The following TGFBRAP1 variants were observed in gnomAD, a reference collection of about 807,000 sequenced individuals.
TGFBRAP1 encodes the protein transforming growth factor beta receptor associated protein 1.
TGFBRAP1 carries 20 observed loss-of-function variants against 83.2 expected under a neutral mutation model. The ratio of observed to expected loss-of-function variants is 0.24; its 90% CI spans 0.17 to 0.35. TGFBRAP1 has a LOEUF of 0.35. Ranked by LOEUF, TGFBRAP1 falls within the 10% of genes least tolerant of loss-of-function variation. TGFBRAP1 has a pLI of 1.00. For synonymous variants in TGFBRAP1, 415 were observed against 459.8 expected, an observed-to-expected ratio of 0.90 and a Z score of 1.25; for missense variants, 950 against 1,099.4, an observed-to-expected ratio of 0.86 and a Z score of 1.92.
intron 4 of TGFBRAP1, among the ~76,000 whole-genome samples, chr2:105,294,938 G>C (rs541020837): frequency 6.6e-6 from 1 of 152,112 alleles, no homozygotes; most frequent in Non-Finnish European, 1.5e-5. Flanking sequence ...CACATCCACC[G>C]AGAGCAGCTT....
downstream of TGFBRAP1, among the ~76,000 whole-genome samples, chr2:105,263,896 A>G (rs1291600603): frequency 6.6e-6 from 1 of 152,160 alleles, no homozygotes; most frequent in Admixed American, 6.5e-5. Context: ...CATAAAAAAC[A>G]AAACAAAACA....
intron 5 of TGFBRAP1, 65 bp from the exon 6 acceptor site, chr2:105,280,788 C>G: frequency 6.6e-7 from 1 of 1,514,816 alleles, no homozygotes; most frequent in South Asian, 1.3e-5. Flanking sequence ...GCACACAAAA[C>G]AGCACTGGAG....
chr2:105,297,420 C>T (rs1245038366), intron 3 of TGFBRAP1, among the ~76,000 whole-genome samples: 1 of 152,134 alleles, frequency 6.6e-6, no homozygotes, highest in Non-Finnish European at 1.5e-5. Flanking sequence ...CAACAGGCAC[C>T]GCACCACAAC....
At chr2:105,263,604 A>ATGG (rs1022303079), downstream of TGFBRAP1, among the ~76,000 whole-genome samples, 156 of 152,342 alleles carry the variant, frequency 1.0e-3, no homozygotes, top group African/African-American at 3.7e-3. Context: ...GGGGCCAAGC[A>ATGG]TGGTGACTCA....
At chr2:105,308,587 CCA>C (rs1201890411) in intron 1 of TGFBRAP1, among the ~76,000 whole-genome samples, 1 of 152,094 alleles carries the variant, frequency 6.6e-6, no homozygotes, top group African/African-American at 2.4e-5. Context: ...TGCTCAGTCC[CCA>C]CACAGAGTCA....
chr2:105,292,627 C>T (rs116107745), intron 4 of TGFBRAP1, among the ~76,000 whole-genome samples: 12 of 143,508 alleles, frequency 8.4e-5, no homozygotes, highest in Non-Finnish European at 1.2e-4. Context: ...AAGAACGAGG[C>T]GGGTAGAAAG....
In TGFBRAP1 at chr2:105,276,105, G is replaced by A. The variant is rs535135726; in HGVS notation, c.1522-402C>T. 5.9e-5 allele frequency among the ~76,000 whole-genome samples: 9 copies of A among 152,234 alleles called. No homozygotes were observed. In the East Asian group the frequency reaches 1.2e-3, roughly 20 times the overall value. On this transcript the variant is annotated intron_variant, in intron 7 of 11. Transcript: ENST00000393359. ...GCCAGGCTCTGTTTCCATCTTCTCC[G>A]TCACAGACATTCTTGATTTTGAAGT...
chr2:105,320,026 G>A (rs984512375), intron 1 of TGFBRAP1, among the ~76,000 whole-genome samples: 1 of 152,000 alleles, frequency 6.6e-6, no homozygotes, highest in African/African-American at 2.4e-5. Context: ...TGACAAACTG[G>A]CATTTATTAA....
chr2:105,292,663 GGA>G (rs574830363), intron 4 of TGFBRAP1, among the ~76,000 whole-genome samples: 126 of 151,340 alleles, frequency 8.3e-4, no homozygotes, highest in Middle Eastern at 3.4e-3. Flanking sequence ...GGAGAAGGAG[GGA>G]GAGAGAGAGA....
intron 2 of TGFBRAP1, among the ~76,000 whole-genome samples, chr2:105,299,342 T>C (rs958761520): frequency 6.6e-6 from 1 of 151,890 alleles, no homozygotes; most frequent in Non-Finnish European, 1.5e-5. Flanking sequence ...ATAAGCCACA[T>C]GAAGATTGAC....
intron 1 of TGFBRAP1, among the ~76,000 whole-genome samples, chr2:105,320,961 G>A (rs918568675): frequency 3.3e-5 from 5 of 152,084 alleles, no homozygotes; most frequent in Non-Finnish European, 5.9e-5. Flanking sequence ...CTCATCTGTC[G>A]CTAGTCCATA....
intron 4 of TGFBRAP1, among the ~76,000 whole-genome samples, chr2:105,293,665 T>C (rs970283442): frequency 6.6e-6 from 1 of 152,250 alleles, no homozygotes; most frequent in Non-Finnish European, 1.5e-5. Context: ...AACATACACA[T>C]TTATGAAAAG....
chr2:105,297,073 T>G (rs1678114713), intron 3 of TGFBRAP1, among the ~76,000 whole-genome samples: 1 of 152,134 alleles, frequency 6.6e-6, no homozygotes, highest in Non-Finnish European at 1.5e-5. Flanking sequence ...TGGTCAACAC[T>G]GCCATCCTCA....
intron 5 of TGFBRAP1, among the ~76,000 whole-genome samples, chr2:105,281,463 C>T (rs994714477): frequency 6.6e-6 from 1 of 152,154 alleles, no homozygotes; most frequent in Non-Finnish European, 1.5e-5. Context: ...CGAGGAAGGA[C>T]CCAGGATCCA....
chr2:105,314,592 G>C (rs528756874), intron 1 of TGFBRAP1, among the ~76,000 whole-genome samples: 2 of 151,968 alleles, frequency 1.3e-5, no homozygotes, highest in East Asian at 3.9e-4. Context: ...AGTAATACAC[G>C]ATCTCAGTTC....
chr2:105,306,404 C>A (rs1398699836), intron 2 of TGFBRAP1, among the ~76,000 whole-genome samples: 1 of 152,088 alleles, frequency 6.6e-6, no homozygotes, highest in Non-Finnish European at 1.5e-5. Flanking sequence ...AATTTTCCCA[C>A]TGTTAAGAGT....
intron 4 of TGFBRAP1, among the ~76,000 whole-genome samples, chr2:105,290,616 AGTGTGTGTGTGTGTGT>A (rs3060065): frequency 2.4e-4 from 33 of 140,098 alleles, no homozygotes; most frequent in Admixed American, 3.6e-4. Flanking sequence ...ACAGAGAGAC[AGTGTGTGTGTGTGTGT>A]GTGTGTGTGT....
At chr2:105,306,932 T>C (rs1247281095) in intron 2 of TGFBRAP1, among the ~76,000 whole-genome samples, 1 of 151,672 alleles carries the variant, frequency 6.6e-6, no homozygotes, top group East Asian at 1.9e-4. Context: ...CTTCCTGGGG[T>C]GGAGGTAATG....
At chr2:105,251,536 C>G in the TGFBRAP1 span, among the ~76,000 whole-genome samples, 4 of 149,500 alleles carry the variant, frequency 2.7e-5, no homozygotes, top group Admixed American at 1.3e-4. Context: ...ATCAGCCCCC[C>G]GCCTGGCCAG....
Sources: gnomAD v4.1 joint callset for allele counts (sites outside exome capture counted in the v4.1 genomes callset) on GRCh38, gnomAD v4.1.1 for gene constraint, MANE v1.5 for transcripts, NCBI Gene and HGNC (gene_info 2026-07-23, HGNC 2026-07-21) for gene names.